AK7: variants seen among roughly 807,000 people sequenced by gnomAD.
AK7 encodes the protein ATP-AMP transphosphorylase 7.
AK7 carries 78 observed loss-of-function variants against 96.6 expected under a neutral mutation model. The observed-to-expected ratio is 0.81, with a 90% CI of 0.67 to 0.97. The LOEUF is 0.97. Ranked by LOEUF, AK7 falls within the 50% of genes least tolerant of loss-of-function variation. The pLI is 0.00. For synonymous variants in AK7, 302 were observed against 317.2 expected (o/e 0.95, Z 0.51); for missense variants, 855 against 887.9 (o/e 0.96, Z 0.47).
At chr14:96,396,997 T>C (rs536243717) in intron 1 of AK7, among the ~76,000 whole-genome samples, 2 of 152,296 alleles carry the variant, frequency 1.3e-5, no homozygotes, top group African/African-American at 4.8e-5. Context: ...CTCAGGAGGC[T>C]GAGGCCGGAG....
chr14:96,438,661 T>C lies in AK7; in HGVS notation c.690+746T>C, dbSNP rs191431509. Among the ~76,000 whole-genome samples, 146 of 152,276 alleles carry C rather than the reference T, an allele frequency of 9.6e-4. 1 individual carries two copies. Among genetic ancestry groups the C allele is most frequent in the African/African-American group, 3.0e-3 (124 of 41,524 alleles). ...CCAGCCTGGTAGCCCCTCGTGAAGC[T>C]CTGGCTTTCTTTCTGAGTGAGTTGG... On this transcript the variant is annotated intron_variant, in intron 6 of 17. Transcript: ENST00000267584.
chr14:96,470,191 T>C (rs1258162176), intron 12 of AK7, among the ~76,000 whole-genome samples: 1 of 151,438 alleles, frequency 6.6e-6, no homozygotes, highest in Non-Finnish European at 1.5e-5. Context: ...AATTATTTAT[T>C]TTACATTATG....
At chr14:96,396,600 A>G (rs1365761487) in intron 1 of AK7, among the ~76,000 whole-genome samples, 1 of 152,210 alleles carries the variant, frequency 6.6e-6, no homozygotes, top group Non-Finnish European at 1.5e-5. Context: ...ATGAGGTGGG[A>G]CTTTCTGTTT....
intron 16 of AK7, among the ~76,000 whole-genome samples, chr14:96,486,251 G>T (rs1230158187): frequency 6.6e-6 from 1 of 152,202 alleles, no homozygotes; most frequent in East Asian, 1.9e-4. Context: ...GTCCTGCCTT[G>T]CATGGGAGGC....
intron 12 of AK7, among the ~76,000 whole-genome samples, chr14:96,458,610 C>G (rs890631039): frequency 6.6e-6 from 1 of 151,698 alleles, no homozygotes; most frequent in Non-Finnish European, 1.5e-5. Context: ...GATGTGGTGC[C>G]GCACACCTGT....
intron 14 of AK7, among the ~76,000 whole-genome samples, chr14:96,474,087 T>C (rs1267525176): frequency 6.6e-6 from 1 of 152,176 alleles, no homozygotes; most frequent in Non-Finnish European, 1.5e-5. Context: ...TAGATATTCA[T>C]AGGGAATCAT....
intron 5 of AK7, among the ~76,000 whole-genome samples, chr14:96,422,032 A>AG: frequency 6.6e-6 from 1 of 152,318 alleles, no homozygotes; most frequent in South Asian, 2.1e-4. Flanking sequence ...AGCTGGGTCC[A>AG]GGGGGGTCAC....
chr14:96,470,942 T>C (rs1894849311), intron 12 of AK7, among the ~76,000 whole-genome samples: 1 of 152,234 alleles, frequency 6.6e-6, no homozygotes, highest in Non-Finnish European at 1.5e-5. Flanking sequence ...ACTTTGAAAG[T>C]GCAGACATCG....
chr14:96,451,687 A>G (rs1235942500), intron 10 of AK7, 117 bp downstream of exon 10: 1 of 1,142,164 alleles, frequency 8.8e-7, no homozygotes, highest in Admixed American at 3.8e-5. Flanking sequence ...TCTAATTTCA[A>G]GTTTTTCAAA....
At position 96,414,392 on chromosome 14, in the gene AK7, A is replaced by C. The variant is rs1891206435; in HGVS notation, c.498+5451A>C. On this transcript the variant is annotated intron_variant, in intron 4 of 17. Transcript: ENST00000267584. ...TATGTAGTCTAACTGCATCCAGGAA[A>C]TCAGTCTGGTTTAGTCTCTGGCACA... is the stretch of plus-strand genomic sequence containing the variant. 3.9e-5 allele frequency among the ~76,000 whole-genome samples: 6 copies of C among 152,362 alleles called. No homozygotes were observed. The South Asian group carries it at 1.2e-3, about 32-fold the overall frequency.
chr14:96,444,539 CTG>C (rs1419067110), intron 7 of AK7, among the ~76,000 whole-genome samples: 1 of 152,118 alleles, frequency 6.6e-6, no homozygotes, highest in African/African-American at 2.4e-5. Flanking sequence ...AGTCACCAAA[CTG>C]AAACTAAGCT....
In AK7 at chr14:96,462,335, C is replaced by T. The variant is rs538819429; in HGVS notation, c.1357+4123C>T. 2.7e-4 allele frequency among the ~76,000 whole-genome samples: 41 copies of T among 152,308 alleles called. No individual in the cohort carries two copies. In the South Asian group the frequency reaches 5.8e-3, roughly 22 times the overall value. Reference sequence around the variant, plus strand: ...AGTGTGTCCAAAAATCCCTCCTATCCGTATTTACCTGAGACGAAAACATGG... The same window carrying T: ...AGTGTGTCCAAAAATCCCTCCTATCTGTATTTACCTGAGACGAAAACATGG... On this transcript the variant is annotated intron_variant, in intron 12 of 17. Coordinates refer to ENST00000267584, the MANE Select transcript of AK7 (RefSeq NM_152327.5).
rs551373209 is a variant in AK7 at position 96,409,378 on chromosome 14, C to G, written c.498+437C>G. Among the ~76,000 whole-genome samples the G allele has an allele frequency of 9.2e-5, 14 of 152,256 alleles. No homozygotes were observed. The South Asian group carries it at 2.3e-3, about 25-fold the overall frequency. ...TCTGAGGTCAGGAGTTTGAGACCAG[C>G]CTGGCCAACATGGCGAAACCCTGTC... On this transcript the variant is annotated intron_variant, in intron 4 of 17. Coordinates refer to ENST00000267584, the MANE Select transcript of AK7 (RefSeq NM_152327.5).
chr14:96,410,769 A>C (rs1394388080), intron 4 of AK7, among the ~76,000 whole-genome samples: 1 of 152,202 alleles, frequency 6.6e-6, no homozygotes, highest in Non-Finnish European at 1.5e-5. Context: ...TTGGGAAGCC[A>C]AGGCAGGAGG....
rs535966466 is a variant in AK7, at chr14:96,487,757, T to C, written c.2134-548T>C. 3.0e-4 allele frequency among the ~76,000 whole-genome samples: 46 copies of C among 151,900 alleles called. 1 individual carries two copies. The highest frequency in any genetic ancestry group is 5.6e-4 in the Non-Finnish European group (38 of 67,958). ...TGCCTGAATCTTAACAGAAAACCAG[T>C]TGAGATAGCAAAATTATGTTTCTGG... On this transcript the variant is annotated intron_variant, in intron 17 of 17. Transcript: ENST00000267584.
intron 12 of AK7, among the ~76,000 whole-genome samples, chr14:96,463,485 CG>C (rs1566801801): frequency 6.6e-6 from 1 of 151,770 alleles, no homozygotes; most frequent in African/African-American, 2.4e-5. Context: ...TTTGGGAGGC[CG>C]AGGCGGGCGG....
At chr14:96,409,630 C>T (rs972347838) in intron 4 of AK7, among the ~76,000 whole-genome samples, 3 of 152,124 alleles carry the variant, frequency 2.0e-5, no homozygotes, top group African/African-American at 7.2e-5. Flanking sequence ...ATAGTATTCC[C>T]TAAACTTCCT....
intron 1 of AK7, 23 bp downstream of exon 1, chr14:96,392,282 A>G: frequency 2.5e-6 from 4 of 1,588,982 alleles, no homozygotes; most frequent in Non-Finnish European, 3.5e-6. Flanking sequence ...GGCGGCCCAG[A>G]GCCTCACGCC....
intron 15 of AK7, 108 bp from the exon 16 acceptor site, chr14:96,482,891 G>T: frequency 9.2e-7 from 1 of 1,090,696 alleles, no homozygotes; most frequent in Non-Finnish European, 1.3e-6. Flanking sequence ...ACCCTATGTG[G>T]TAATTTACAT....
Sources: allele counts gnomAD v4.1 joint callset (sites outside exome capture counted in the v4.1 genomes callset), GRCh38; gene constraint gnomAD v4.1.1; transcripts MANE v1.5; gene names NCBI Gene and HGNC (gene_info 2026-07-23, HGNC 2026-07-21).